Variants in RBKS observed in about 807,000 individuals in gnomAD.
RBKS encodes the protein ribokinase.
In RBKS, 33 loss-of-function variants were observed where a neutral mutation model predicts 33.9. That is an observed-to-expected ratio of 0.97 (90% confidence interval 0.74 to 1.30). RBKS has a LOEUF of 1.30. Among genes scored for constraint, RBKS ranks in the 50% most tolerant of loss-of-function variants. RBKS has a pLI of 0.00. For missense variants in RBKS, 361 were observed against 392.6 expected (o/e 0.92, Z 0.68); for synonymous variants, 125 against 143.0 (o/e 0.87, Z 0.90).
At chr2:27,873,205 C>A (rs753917519) in intron 1 of RBKS, among the ~76,000 whole-genome samples, 68 of 152,124 alleles carry the variant, frequency 4.5e-4, no homozygotes, top group Non-Finnish European at 4.1e-4. Context: ...TCATTACAAC[C>A]CAAATAACTA....
intron 7 of RBKS, among the ~76,000 whole-genome samples, chr2:27,800,039 T>G (rs1677743711): frequency 6.6e-6 from 1 of 151,060 alleles, no homozygotes; most frequent in Non-Finnish European, 1.5e-5. Context: ...TGCCCCTTGT[T>G]GTTAGGTGTC....
intron 2 of RBKS, among the ~76,000 whole-genome samples, chr2:27,849,559 C>CAAAAAAAAAAAAAAAAAAAAAAA (rs70953894): frequency 4.4e-3 from 126 of 28,458 alleles, no homozygotes; most frequent in Middle Eastern, 0.023. Flanking sequence ...GACTCTGTCT[C>CAAAAAAAAAAAAAAAAAAAAAAA]AAAAAAAAAA....
intron 1 of RBKS, among the ~76,000 whole-genome samples, chr2:27,881,032 G>A (rs1664406187): frequency 6.6e-6 from 1 of 151,838 alleles, no homozygotes; most frequent in African/African-American, 2.4e-5. Context: ...TGAGCAACAT[G>A]GCAAAACCCC....
rs544223407 is a variant in RBKS, at chr2:27,794,966, C to CA, written c.796-13179dup. 1.0e-3 allele frequency among the ~76,000 whole-genome samples: 159 copies of CA among 152,128 alleles called. 1 individual carries two copies. The highest frequency in any genetic ancestry group is 3.6e-3 in the African/African-American group (151 of 41,522). On this transcript the variant is annotated intron_variant, in intron 7 of 7. Transcript: ENST00000302188. The stretch of plus-strand genomic sequence containing the variant: ...AGCTGTGACATTGATTGCCCAAAAA[C>CA]AAAAAATTGAGGACTGGGATGTTAG...
intron 7 of RBKS, among the ~76,000 whole-genome samples, chr2:27,785,761 C>CA (rs534800572): frequency 0.14 from 13,808 of 96,828 alleles, 886 homozygotes; most frequent in African/African-American, 0.25. Flanking sequence ...GACTCCATCT[C>CA]AAAAAAAAAA....
At chr2:27,822,473 G>A (rs1419124858) in intron 7 of RBKS, among the ~76,000 whole-genome samples, 3 of 152,136 alleles carry the variant, frequency 2.0e-5, no homozygotes, top group South Asian at 2.1e-4. Flanking sequence ...TGAGACAGCC[G>A]GGATGGCCGC....
intron 2 of RBKS, 97 bp from the exon 3 acceptor site, chr2:27,848,194 GC>G: frequency 1.5e-6 from 1 of 657,088 alleles, no homozygotes; most frequent in Non-Finnish European, 2.6e-6. Flanking sequence ...GGGCATATCT[GC>G]ACAGTACTTT....
intron 5 of RBKS, among the ~76,000 whole-genome samples, chr2:27,838,468 A>G (rs1157282148): frequency 1.3e-5 from 2 of 152,214 alleles, no homozygotes; most frequent in Non-Finnish European, 2.9e-5. Context: ...TTTACTGTAA[A>G]TACTGTATAA....
intron 6 of RBKS, among the ~76,000 whole-genome samples, chr2:27,830,592 T>C (rs1274607138): frequency 6.6e-6 from 1 of 151,740 alleles, no homozygotes; most frequent in Non-Finnish European, 1.5e-5. Flanking sequence ...AATGTTTTTC[T>C]TTCTTCCATT....
At chr2:27,841,406 G>A (rs1043789130) in intron 5 of RBKS, among the ~76,000 whole-genome samples, 2 of 152,134 alleles carry the variant, frequency 1.3e-5, no homozygotes, top group African/African-American at 4.8e-5. Flanking sequence ...GCAGGAGCAG[G>A]GTGGCACCCT....
chr2:27,831,368 G>A (rs1019860807), intron 6 of RBKS, among the ~76,000 whole-genome samples: 4 of 152,088 alleles, frequency 2.6e-5, no homozygotes, highest in Non-Finnish European at 5.9e-5. Flanking sequence ...AACATTTGAG[G>A]AATAAATAGA....
chr2:27,841,744 A>ACACACACG (rs1273867105), intron 5 of RBKS, among the ~76,000 whole-genome samples: 32 of 151,882 alleles, frequency 2.1e-4, no homozygotes, highest in African/African-American at 6.3e-4. Context: ...ACACACACAC[A>ACACACACG]CACACACACA....
intron 1 of RBKS, among the ~76,000 whole-genome samples, chr2:27,888,000 C>G (rs1443464512): frequency 6.6e-6 from 1 of 152,092 alleles, no homozygotes; most frequent in Non-Finnish European, 1.5e-5. Context: ...CCACAAAGTA[C>G]TATAGTTATT....
chr2:27,782,775 ATT>A, intron 7 of RBKS: 1 of 280,000 alleles, frequency 3.6e-6, no homozygotes, highest in Non-Finnish European at 7.9e-6. Context: ...TTTAATTTTA[ATT>A]TTTTTTTTCA....
intron 7 of RBKS, among the ~76,000 whole-genome samples, chr2:27,788,637 G>T (rs889364056): frequency 6.6e-6 from 1 of 152,184 alleles, no homozygotes. Flanking sequence ...AACCTGGGAG[G>T]TGAAGCTTGC....
intron 7 of RBKS, among the ~76,000 whole-genome samples, chr2:27,787,540 A>C (rs748784328): frequency 5.1e-4 from 78 of 152,174 alleles, no homozygotes; most frequent in Non-Finnish European, 1.0e-3. Flanking sequence ...GATTACAGGT[A>C]CGAGCCACTG....
chr2:27,787,073 T>C (rs1677419399), intron 7 of RBKS, among the ~76,000 whole-genome samples: 1 of 152,142 alleles, frequency 6.6e-6, no homozygotes, highest in African/African-American at 2.4e-5. Flanking sequence ...ACTGATGCCT[T>C]TGTCTCCCAG....
intron 1 of RBKS, among the ~76,000 whole-genome samples, chr2:27,872,632 A>G (rs1664238180): frequency 6.6e-6 from 1 of 152,240 alleles, no homozygotes; most frequent in Non-Finnish European, 1.5e-5. Context: ...CGGCAGGAAA[A>G]TGTAATAATT....
chr2:27,794,174 G>GTT (rs957692788), intron 7 of RBKS, among the ~76,000 whole-genome samples: 30 of 151,772 alleles, frequency 2.0e-4, no homozygotes, highest in African/African-American at 7.2e-4. Context: ...GTGCATGCCT[G>GTT]TAATAACAGC....
Sources: allele counts gnomAD v4.1 joint callset (sites outside exome capture counted in the v4.1 genomes callset), GRCh38; gene constraint gnomAD v4.1.1; transcripts MANE v1.5; gene names NCBI Gene and HGNC (gene_info 2026-07-23, HGNC 2026-07-21).